The following AGBL1 variants were observed in gnomAD, a reference collection of about 807,000 sequenced individuals.
The protein encoded by AGBL1 is cytosolic carboxypeptidase 4.
Under a neutral mutation model 118.9 loss-of-function variants are expected in AGBL1, and 130 were observed. That is an observed-to-expected ratio of 1.09 (90% CI 0.95 to 1.26). AGBL1 has a LOEUF of 1.26. Ranked by LOEUF, AGBL1 falls within the 50% of genes most tolerant of loss-of-function variation. The pLI, the probability that AGBL1 is intolerant of heterozygous loss-of-function variation, is 0.00. For synonymous variants in AGBL1, 555 were observed against 478.9 expected (o/e 1.16, Z -2.08); for missense variants, 1,584 against 1,298.1 (o/e 1.22, Z -3.38).
At chr15:86,293,804 A>T (rs980379819) in intron 16 of AGBL1, among the ~76,000 whole-genome samples, 2 of 152,096 alleles carry the variant, frequency 1.3e-5, no homozygotes, top group Non-Finnish European at 2.9e-5. Context: ...TAAAAAATTC[A>T]TGAGTTTTTT....
chr15:86,300,605 T>C (rs1408242226), intron 17 of AGBL1, among the ~76,000 whole-genome samples: 1 of 152,124 alleles, frequency 6.6e-6, no homozygotes, highest in Non-Finnish European at 1.5e-5. Context: ...ACCGCCACCC[T>C]GCATTTATTA....
chr15:86,743,494 G>A lies in AGBL1; in HGVS notation c.3158+69058G>A, dbSNP rs530360361. Among the ~76,000 whole-genome samples, 8 of 152,206 alleles carry A rather than the reference G, an allele frequency of 5.3e-5. No individual in the cohort carries two copies. The East Asian group carries it at 5.8e-4, about 11-fold the overall frequency. ...TGGCAAGAGAGCGTCCCCTGGTGTC[G>A]GGTTGTGAGATGAAGGTTGTGGCCA... On this transcript the variant is annotated intron_variant, in intron 22 of 22. Transcript: ENST00000614907.
chr15:86,800,731 G>T (rs1030191332), intron 22 of AGBL1, among the ~76,000 whole-genome samples: 1 of 152,054 alleles, frequency 6.6e-6, no homozygotes, highest in Non-Finnish European at 1.5e-5. Flanking sequence ...GAACAGTTTT[G>T]GGATGCTGTA....
At chr15:86,906,940 G>A (rs1197627812) in intron 22 of AGBL1, 147 bp from the exon 23 acceptor site, 2 of 152,248 alleles carry the variant, frequency 1.3e-5, no homozygotes, top group Non-Finnish European at 2.9e-5. Context: ...AATTGAATGT[G>A]TTCCCTTTTT....
intron 22 of AGBL1, among the ~76,000 whole-genome samples, chr15:86,834,349 G>A (rs1340726739): frequency 6.6e-6 from 1 of 152,082 alleles, no homozygotes; most frequent in Non-Finnish European, 1.5e-5. Flanking sequence ...AAGTAGAGAA[G>A]GGAGATCATG....
intron 21 of AGBL1, among the ~76,000 whole-genome samples, chr15:86,620,100 T>A (rs2084783202): frequency 6.6e-6 from 1 of 152,176 alleles, no homozygotes. Context: ...ATATCACTTA[T>A]TTGTGAGTTT....
rs573150223 is a variant in AGBL1, at chr15:86,957,549, A to G, written c.3222-30438A>G. On this transcript the variant is annotated intron_variant, in intron 23 of 24. Transcript: ENST00000441037. ...ATATATAAAAATTAATCACATTACT[A>G]TATAGCAGCAGCAAACAATCAGAAA... is the stretch of plus-strand genomic sequence containing the variant. Among the ~76,000 whole-genome samples, 89 of 152,190 alleles carry G rather than the reference A, an allele frequency of 5.8e-4. 1 individual carries two copies. The highest frequency in any genetic ancestry group is 2.1e-3 in the African/African-American group (87 of 41,578).
At chr15:86,714,346 C>T (rs1310124542) in intron 22 of AGBL1, among the ~76,000 whole-genome samples, 1 of 151,994 alleles carries the variant, frequency 6.6e-6, no homozygotes, top group African/African-American at 2.4e-5. Flanking sequence ...GAGGGAAGGG[C>T]AGAACACAAG....
At chr15:86,284,664 G>C (rs974990020) in intron 16 of AGBL1, among the ~76,000 whole-genome samples, 6 of 152,152 alleles carry the variant, frequency 3.9e-5, no homozygotes, top group Non-Finnish European at 8.8e-5. Context: ...CTAAATTAGG[G>C]GAACAGAGAG....
intron 1 of AGBL1, among the ~76,000 whole-genome samples, chr15:86,087,553 C>T (rs1198011544): frequency 2.0e-5 from 3 of 152,188 alleles, no homozygotes; most frequent in Non-Finnish European, 4.4e-5. Context: ...TGGTCTGGAA[C>T]TCCTGACCTC....
intron 6 of AGBL1, among the ~76,000 whole-genome samples, chr15:86,234,486 G>A (rs1044748492): frequency 4.0e-5 from 6 of 150,472 alleles, no homozygotes; most frequent in African/African-American, 1.5e-4. Flanking sequence ...TGGAGGCGGA[G>A]GTTGCAGTGA....
intron 18 of AGBL1, among the ~76,000 whole-genome samples, chr15:86,488,917 A>G (rs77059447): frequency 6.6e-6 from 1 of 151,962 alleles, no homozygotes. Context: ...GAAAAAAAAA[A>G]TCAAATTTAG....
At chr15:86,305,833 G>A (rs2079831563) in intron 17 of AGBL1, among the ~76,000 whole-genome samples, 1 of 151,950 alleles carries the variant, frequency 6.6e-6, no homozygotes, top group Non-Finnish European at 1.5e-5. Context: ...GACTTCCTTT[G>A]GAAATCCAAA....
intron 22 of AGBL1, among the ~76,000 whole-genome samples, chr15:86,722,113 A>T (rs1476768312): frequency 6.6e-6 from 1 of 152,152 alleles, no homozygotes; most frequent in Non-Finnish European, 1.5e-5. Flanking sequence ...TGCCATCCCC[A>T]TCAAGCTACC....
chr15:86,159,685 T>A (rs1395551685), intron 5 of AGBL1, among the ~76,000 whole-genome samples: 1 of 152,064 alleles, frequency 6.6e-6, no homozygotes, highest in African/African-American at 2.4e-5. Context: ...ATCTATCATT[T>A]ATGGGAGTGA....
chr15:86,297,137 AG>A (rs2079658096), intron 17 of AGBL1: 1 of 152,186 alleles, frequency 6.6e-6, no homozygotes, highest in Admixed American at 6.6e-5. Flanking sequence ...ATGAATCAAA[AG>A]AGGCTGGTTT....
chr15:86,096,199 A>T (rs1017459929), intron 1 of AGBL1, among the ~76,000 whole-genome samples: 3 of 152,166 alleles, frequency 2.0e-5, no homozygotes, highest in African/African-American at 7.2e-5. Context: ...ACAAAAATAC[A>T]TGGAATATAA....
At position 86,231,479 on chromosome 15, in the gene AGBL1, TGATA is replaced by T. The variant is rs568643719; in HGVS notation, c.526+6532_526+6535del. Among the ~76,000 whole-genome samples, 18 of 152,356 alleles carry T rather than the reference TGATA, an allele frequency of 1.2e-4. No homozygotes were observed. The South Asian group carries it at 3.7e-3, about 32-fold the overall frequency. ...GCCAAAAATTTGCTTCAAATAATATTGATAGATTTTTGCATTTGTTACACTGGGA... is the reference window on the plus strand; with the variant it reads ...GCCAAAAATTTGCTTCAAATAATATTGATTTTTGCATTTGTTACACTGGGA... On this transcript the variant is annotated intron_variant, in intron 6 of 22. Coordinates refer to ENST00000614907, the MANE Select transcript of AGBL1 (RefSeq NM_001386094.1).
chr15:86,271,347 C>G (rs1302259361), intron 14 of AGBL1, among the ~76,000 whole-genome samples: 1 of 152,090 alleles, frequency 6.6e-6, no homozygotes, highest in Non-Finnish European at 1.5e-5. Flanking sequence ...CAGGCATGAG[C>G]CACCATGCCT....
Sources: allele counts gnomAD v4.1 joint callset (sites outside exome capture counted in the v4.1 genomes callset), GRCh38; gene constraint gnomAD v4.1.1; transcripts MANE v1.5; gene names NCBI Gene and HGNC (gene_info 2026-07-23, HGNC 2026-07-21).